PIAS1: variants seen among roughly 807,000 people sequenced by gnomAD.
PIAS1 encodes the protein protein inhibitor of activated STAT 1, also known as E3 SUMO-protein ligase PIAS1.
Under a neutral mutation model 71.3 loss-of-function variants are expected in PIAS1, and 6 were observed. That is an observed-to-expected ratio of 0.08 (90% CI 0.05 to 0.17). The LOEUF (loss-of-function observed/expected upper bound fraction) is 0.17, where lower values mean the gene tolerates loss of function less well. Among genes scored for constraint, PIAS1 ranks in the 10% least tolerant of loss-of-function variants. PIAS1 has a pLI of 1.00. For missense variants in PIAS1, 555 were observed against 793.6 expected, an observed-to-expected ratio of 0.70 and a Z score of 3.61; for synonymous variants, 303 against 292.9, an observed-to-expected ratio of 1.03 and a Z score of -0.35.
chr15:68,074,611 C>A (rs1441703966), intron 1 of PIAS1, among the ~76,000 whole-genome samples: 1 of 152,040 alleles, frequency 6.6e-6, no homozygotes, highest in Non-Finnish European at 1.5e-5. Context: ...TTATGATAAA[C>A]CTCATATTTT....
At chr15:68,158,614 A>G (rs559186360) in intron 7 of PIAS1, among the ~76,000 whole-genome samples, 4 of 152,258 alleles carry the variant, frequency 2.6e-5, no homozygotes, top group African/African-American at 4.8e-5. Flanking sequence ...TGCCACATAC[A>G]TAGTAGATCT....
At chr15:68,114,537 C>T (rs1446346487) in intron 2 of PIAS1, among the ~76,000 whole-genome samples, 1 of 151,972 alleles carries the variant, frequency 6.6e-6, no homozygotes, top group Non-Finnish European at 1.5e-5. Context: ...GGCTGACATT[C>T]GTAGATAGGA....
At chr15:68,090,297 G>A (rs182707488) in intron 2 of PIAS1, among the ~76,000 whole-genome samples, 21 of 151,908 alleles carry the variant, frequency 1.4e-4, no homozygotes, top group Admixed American at 2.0e-4. Flanking sequence ...TAACCTCCCT[G>A]GCTCATGCAA....
chr15:68,179,555 T>A (rs1042537595), intron 11 of PIAS1, among the ~76,000 whole-genome samples: 3 of 142,020 alleles, frequency 2.1e-5, no homozygotes, highest in Middle Eastern at 3.6e-3. Context: ...TGTCATCTCG[T>A]GAAATGTTCT....
chr15:68,145,798 T>G lies in PIAS1; in HGVS notation c.603-18T>G. On this transcript the variant is annotated intron_variant, in intron 4 of 13. Coordinates refer to ENST00000249636, the MANE Select transcript of PIAS1 (RefSeq NM_016166.3). ...CATCCTTTAATAAAGGAAATTAAAC[T>G]TGTCCTTTATTGTTTAGGTTTTGTT... is the stretch of plus-strand genomic sequence containing the variant. The G allele has an allele frequency of 7.1e-7, 1 of 1,404,500 alleles. No individual in the cohort carries two copies. Among genetic ancestry groups the G allele is most frequent in the Non-Finnish European group, 1.0e-6 (1 of 990,002 alleles). 87.0% of individuals were successfully genotyped at this position (1,404,500 alleles called of 1,614,324 possible). A position where few individuals can be genotyped will look rare whatever the true frequency, so the allele number is the denominator to read the frequency against.
At chr15:68,149,049 C>T (rs1451513291) in intron 6 of PIAS1, among the ~76,000 whole-genome samples, 4 of 152,020 alleles carry the variant, frequency 2.6e-5, no homozygotes, top group African/African-American at 9.7e-5. Flanking sequence ...ATAGAGGAAA[C>T]ACTGGAAAAG....
intron 7 of PIAS1, 149 bp from the exon 8 acceptor site, chr15:68,164,582 C>A: frequency 2.1e-6 from 1 of 481,868 alleles, no homozygotes; most frequent in Non-Finnish European, 3.7e-6. Flanking sequence ...AATTAAAAGC[C>A]ATATGGTTGT....
intron 2 of PIAS1, among the ~76,000 whole-genome samples, chr15:68,121,464 C>T (rs1335942262): frequency 6.6e-6 from 1 of 151,812 alleles, no homozygotes; most frequent in East Asian, 1.9e-4. Flanking sequence ...TTTGGTGTTG[C>T]TTTATTCTTG....
At chr15:68,141,641 A>G (rs1355422031) in intron 2 of PIAS1, among the ~76,000 whole-genome samples, 2 of 152,180 alleles carry the variant, frequency 1.3e-5, no homozygotes, top group Non-Finnish European at 2.9e-5. Flanking sequence ...ATGTTTTTAT[A>G]CAAGTGTGCT....
At chr15:68,145,665 A>G (rs1338668476) in intron 4 of PIAS1, 151 bp from the exon 5 acceptor site, 2 of 571,310 alleles carry the variant, frequency 3.5e-6, no homozygotes, top group African/African-American at 3.8e-5. Context: ...CTATTTACAT[A>G]TACTTATTAA....
chr15:68,058,829 TTCTCTC>T (rs961381725), intron 1 of PIAS1, among the ~76,000 whole-genome samples: 1 of 152,138 alleles, frequency 6.6e-6, no homozygotes, highest in Non-Finnish European at 1.5e-5. Flanking sequence ...ACTTAAGACT[TTCTCTC>T]TGTGAGCATA....
rs190573985 is a variant in PIAS1 at position 68,191,824 on chromosome 15, G to A, written c.*3989G>A. On this transcript the variant is annotated 3_prime_UTR_variant, in exon 14 of 14. Coordinates refer to ENST00000249636, the MANE Select transcript of PIAS1 (RefSeq NM_016166.3). ...GGAGTAAGGTAACAGCCCTTCCTCG[G>A]GTAGAGGTTTGAATCAAACACTTAA... is the stretch of plus-strand genomic sequence containing the variant. 6.6e-6 allele frequency: 1 copy of A among 152,296 alleles called. No homozygotes were observed. Among genetic ancestry groups the A allele is most frequent in the African/African-American group, 2.4e-5 (1 of 41,544 alleles). The allele number at this position is 152,296 out of a possible 1,614,324, so 9.4% of individuals were successfully genotyped here.
intron 2 of PIAS1, among the ~76,000 whole-genome samples, chr15:68,107,356 A>G (rs62004782): frequency 9.2e-5 from 14 of 152,210 alleles, no homozygotes; most frequent in Non-Finnish European, 1.8e-4. Flanking sequence ...TATCAGAAGG[A>G]AATTCCATTT....
At chr15:68,100,900 G>T (rs4104091) in intron 2 of PIAS1, among the ~76,000 whole-genome samples, 33 of 138,226 alleles carry the variant, frequency 2.4e-4, no homozygotes, top group African/African-American at 7.7e-4. Context: ...TTTTTGTTTT[G>T]TTTTTTTTTT....
chr15:68,118,637 C>T (rs975135980), intron 2 of PIAS1, among the ~76,000 whole-genome samples: 1 of 152,154 alleles, frequency 6.6e-6, no homozygotes, highest in African/African-American at 2.4e-5. Context: ...CCACTGTGCC[C>T]AGCTGTCTTG....
chr15:68,154,267 A>AT (rs1038759572), intron 7 of PIAS1, among the ~76,000 whole-genome samples: 1 of 152,178 alleles, frequency 6.6e-6, no homozygotes, highest in East Asian at 1.9e-4. Context: ...GATACGTTGA[A>AT]TTTGAGATTC....
At chr15:68,066,246 A>C in intron 1 of PIAS1, among the ~76,000 whole-genome samples, 1 of 151,630 alleles carries the variant, frequency 6.6e-6, no homozygotes, top group East Asian at 1.9e-4. Flanking sequence ...CAGCCTCCCG[A>C]GTAGGATGCG....
chr15:68,134,506 G>T (rs1357006534), intron 2 of PIAS1, among the ~76,000 whole-genome samples: 4 of 37,710 alleles, frequency 1.1e-4, no homozygotes, highest in East Asian at 8.3e-4. Flanking sequence ...CCCCCCCACT[G>T]CCCTCCCGGA....
intron 2 of PIAS1, among the ~76,000 whole-genome samples, chr15:68,100,350 C>A (rs1416080849): frequency 1.3e-5 from 2 of 152,112 alleles, no homozygotes; most frequent in African/African-American, 2.4e-5. Context: ...TAACTACCAC[C>A]ACAATAAAAG....
Sources: allele counts gnomAD v4.1 joint callset (sites outside exome capture counted in the v4.1 genomes callset), GRCh38; gene constraint gnomAD v4.1.1; transcripts MANE v1.5; gene names NCBI Gene and HGNC (gene_info 2026-07-23, HGNC 2026-07-21).